Variants in RHD observed in about 807,000 individuals in gnomAD.
The protein encoded by RHD is Rh blood group D antigen.
Under a neutral mutation model 45.5 loss-of-function variants are expected in RHD, and 16 were observed. The observed-to-expected ratio is 0.35, with a 90% CI of 0.24 to 0.53. The LOEUF (loss-of-function observed/expected upper bound fraction) is 0.53. RHD is among the 20% of genes least tolerant of loss of function. The pLI is 0.92. For missense variants in RHD, 306 were observed against 532.0 expected, an observed-to-expected ratio of 0.58 and a Z score of 4.18; for synonymous variants, 131 against 217.5, an observed-to-expected ratio of 0.60 and a Z score of 3.50.
intron 9 of RHD, among the ~76,000 whole-genome samples, chr1:25,323,713 G>C (rs202154122): frequency 0.18 from 20,879 of 114,742 alleles, 4,686 homozygotes; most frequent in Admixed American, 0.24. Context: ...CTCCTGCCTT[G>C]GCCTCTCAAA....
rs192742588 is a variant in RHD, at chr1:25,277,054, G to A, written c.148+4359G>A. ...TGCACTCCAGCCTGGGCAACAGAGCGAGACTCCGTCTAAAAAAAAATGAAA... is the reference window on the plus strand; with the variant it reads ...TGCACTCCAGCCTGGGCAACAGAGCAAGACTCCGTCTAAAAAAAAATGAAA... On this transcript the variant is annotated intron_variant, in intron 1 of 9. Coordinates refer to ENST00000328664, the MANE Select transcript of RHD (RefSeq NM_016124.6). Among the ~76,000 whole-genome samples the A allele has an allele frequency of 4.5e-5, 6 of 132,010 alleles. 2 individuals are homozygous for A. The highest frequency in any genetic ancestry group is 4.6e-4 in the South Asian group (2 of 4,326). 86.6% of individuals were successfully genotyped at this position (132,010 alleles called of 152,430 possible). A position where few individuals can be genotyped will look rare whatever the true frequency, so the allele number is the denominator to read the frequency against.
At chr1:25,299,985 G>C (rs1271722886) in intron 3 of RHD, among the ~76,000 whole-genome samples, 1 of 130,812 alleles carries the variant, frequency 7.6e-6, no homozygotes, top group African/African-American at 2.6e-5. Context: ...CCTGACCTCA[G>C]GTGATCCACC....
At chr1:25,312,955 A>AAAAAAAAAAAAAAAAAAAAAAAAATT (rs1644244261) in intron 7 of RHD, among the ~76,000 whole-genome samples, 1 of 109,882 alleles carries the variant, frequency 9.1e-6, no homozygotes, top group East Asian at 2.1e-4. Flanking sequence ...AAAAAAAAAA[A>AAAAAAAAAAAAAAAAAAAAAAAAATT]CTTTAGTGCT....
chr1:25,299,512 T>C (rs149193309), intron 3 of RHD, among the ~76,000 whole-genome samples: 1,503 of 131,890 alleles, frequency 0.011, 137 homozygotes, highest in African/African-American at 0.037. Context: ...CCCTCCACCC[T>C]GCCCTTGTTA....
At chr1:25,277,378 G>A (rs1641102323) in intron 1 of RHD, among the ~76,000 whole-genome samples, 1 of 132,410 alleles carries the variant, frequency 7.6e-6, no homozygotes, top group Non-Finnish European at 1.8e-5. Flanking sequence ...TGGAAATTTA[G>A]TAGAAATGCA....
Position 25,305,245 on chromosome 1 carries a change from A to ATT in RHD, c.940-1351_940-1350insTT, listed in dbSNP as rs1443206054. Among the ~76,000 whole-genome samples, 4 of 131,690 alleles carry ATT rather than the reference A, an allele frequency of 3.0e-5. 2 individuals carry two copies. Among genetic ancestry groups the ATT allele is most frequent in the Non-Finnish European group, 7.2e-5 (4 of 55,814 alleles). 86.4% of individuals were successfully genotyped at this position (131,690 alleles called of 152,430 possible). A position where few individuals can be genotyped will look rare whatever the true frequency, so the allele number is the denominator to read the frequency against. ...TGTGTATGAAAGCTTATTGTTAAGA[A>ATT]GAGTGTGTGGCCCAACCAGGAAACA... On this transcript the variant is annotated intron_variant, in intron 6 of 9. Coordinates refer to ENST00000328664, the MANE Select transcript of RHD (RefSeq NM_016124.6).
chr1:25,289,268 C>G (rs1454771020), intron 2 of RHD, among the ~76,000 whole-genome samples: 20 of 132,218 alleles, frequency 1.5e-4, no homozygotes, highest in African/African-American at 4.4e-4. Context: ...AGTCTCGGCC[C>G]ACTGAAACCT....
chr1:25,279,644 G>A lies in RHD; in HGVS notation c.149-4929G>A, dbSNP rs545658727. Among the ~76,000 whole-genome samples the A allele has an allele frequency of 6.3e-3, 784 of 124,082 alleles. 138 individuals carry two copies. The highest frequency in any genetic ancestry group is 0.019 in the African/African-American group (659 of 35,308). 81.4% of individuals were successfully genotyped at this position (124,082 alleles called of 152,430 possible). ...GTTGTGGGCTAAGTCTGTAAGGCAC[G>A]TAGAACAGTGCCTGGAACGTGGGGT... On this transcript the variant is annotated intron_variant, in intron 1 of 9. Transcript: ENST00000328664.
Position 25,304,485 on chromosome 1 carries a change from C to G in RHD, c.939+1026C>G, listed in dbSNP as rs1045242235. The G allele has an allele frequency of 6.9e-5, 9 of 129,576 alleles. 1 individual carries two copies. Among genetic ancestry groups the G allele is most frequent in the African/African-American group, 2.4e-4 (9 of 37,502 alleles). 8.0% of individuals were successfully genotyped at this position (129,576 alleles called of 1,614,324 possible). A position where few individuals can be genotyped will look rare whatever the true frequency, so the allele number is the denominator to read the frequency against. ...TGGTGGCGGGCACCTGTCATCTTAG[C>G]GACTCAGGAGGCTGAGACACGAGAA... On this transcript the variant is annotated intron_variant, in intron 6 of 9. Transcript: ENST00000328664.
chr1:25,306,883 G>A (rs1280938860), intron 7 of RHD, 154 bp downstream of exon 7: 2 of 823,064 alleles, frequency 2.4e-6, no homozygotes, highest in Non-Finnish European at 4.0e-6. Flanking sequence ...CAGAAATTCT[G>A]TCCAGCCCCT....
At chr1:25,302,624 A>T (rs1643477254) in intron 5 of RHD, among the ~76,000 whole-genome samples, 1 of 129,948 alleles carries the variant, frequency 7.7e-6, no homozygotes, top group South Asian at 2.4e-4. Context: ...TGAAGGACAT[A>T]GCAGAGCTAT....
In RHD at chr1:25,329,237, G is replaced by GT. The variant is rs71014352; in HGVS notation, c.*338dup. 0.29 allele frequency: 65,485 copies of GT among 227,230 alleles called. 9,127 individuals carry two copies. The highest frequency in any genetic ancestry group is 0.32 in the Non-Finnish European group (38,651 of 122,438). The allele number at this position is 227,230 out of a possible 1,614,324, so 14.1% of individuals were successfully genotyped here. A position where few individuals can be genotyped will look rare whatever the true frequency, so the allele number is the denominator to read the frequency against. On this transcript the variant is annotated 3_prime_UTR_variant, in exon 10 of 10. Coordinates refer to ENST00000328664, the MANE Select transcript of RHD (RefSeq NM_016124.6). ...TAAGGTTAATTTATTATTATTCCTT[G>GT]TTTTTTTTTTTTTTTTTTTTTTTTT...
In RHD at chr1:25,280,328, T is replaced by C. The variant is rs781638579; in HGVS notation, c.149-4245T>C. ...CATCTCTTTTTTTTTTTTTTTGAGC[T>C]GCAGTCTCACTCTGTCATCCAGGCT... is the stretch of plus-strand genomic sequence containing the variant. On this transcript the variant is annotated intron_variant, in intron 1 of 9. Transcript: ENST00000328664. 4.3e-4 allele frequency among the ~76,000 whole-genome samples: 52 copies of C among 119,840 alleles called. 15 individuals are homozygous for C. The highest frequency in any genetic ancestry group is 2.3e-3 in the South Asian group (9 of 3,946). The allele number at this position is 119,840 out of a possible 152,430, so 78.6% of individuals were successfully genotyped here.
At chr1:25,288,342 T>TG (rs1266172219) in intron 2 of RHD, among the ~76,000 whole-genome samples, 1 of 121,744 alleles carries the variant, frequency 8.2e-6, no homozygotes, top group African/African-American at 2.8e-5. Flanking sequence ...ACACCTAGCT[T>TG]TTTTTTTTTT....
chr1:25,310,377 T>C (rs147325051), intron 7 of RHD, among the ~76,000 whole-genome samples: 5,846 of 124,770 alleles, frequency 0.047, 143 homozygotes, highest in African/African-American at 0.17. Flanking sequence ...GCCCTCTCAC[T>C]GTGTGATGAC....
At chr1:25,294,589 G>C in intron 3 of RHD, 1 of 895,620 alleles carries the variant, frequency 1.1e-6, no homozygotes, top group Non-Finnish European at 1.8e-6. Flanking sequence ...CGCAGCAACA[G>C]AGCTCGGCCT....
Position 25,310,005 on chromosome 1 carries a change from T to C in RHD, c.1073+3276T>C, listed in dbSNP as rs1302858701. 1.6e-4 allele frequency among the ~76,000 whole-genome samples: 21 copies of C among 132,946 alleles called. 6 individuals are homozygous for C. The highest frequency in any genetic ancestry group is 4.4e-4 in the Admixed American group (6 of 13,626). The allele number at this position is 132,946 out of a possible 152,430, so 87.2% of individuals were successfully genotyped here. A position where few individuals can be genotyped will look rare whatever the true frequency, so the allele number is the denominator to read the frequency against. ...AAAAAACCCCAAAAAACCCAACTTA[T>C]ATAGTATAAGCTATATCCAGAAAAG... On this transcript the variant is annotated intron_variant, in intron 7 of 9. Coordinates refer to ENST00000328664, the MANE Select transcript of RHD (RefSeq NM_016124.6).
rs1392575572 is a variant in RHD at position 25,310,778 on chromosome 1, C to G, written c.1073+4049C>G. Among the ~76,000 whole-genome samples, 4 of 131,970 alleles carry G rather than the reference C, an allele frequency of 3.0e-5. 1 individual carries two copies. The highest frequency in any genetic ancestry group is 7.2e-5 in the Non-Finnish European group (4 of 55,602). The allele number at this position is 131,970 out of a possible 152,430, so 86.6% of individuals were successfully genotyped here. A position where few individuals can be genotyped will look rare whatever the true frequency, so the allele number is the denominator to read the frequency against. ...CCTGAGGTCAGGAGTTCGAGACCAG[C>G]CTAGCTAACATGGTGAAACGCTGTT... On this transcript the variant is annotated intron_variant, in intron 7 of 9. Coordinates refer to ENST00000328664, the MANE Select transcript of RHD (RefSeq NM_016124.6).
At chr1:25,314,659 A>G (rs1644342943) in intron 7 of RHD, among the ~76,000 whole-genome samples, 1 of 130,782 alleles carries the variant, frequency 7.6e-6, no homozygotes, top group African/African-American at 2.6e-5. Context: ...ATGCCCAGCT[A>G]ACTTCTGTAT....
Sources: allele counts gnomAD v4.1 joint callset (sites outside exome capture counted in the v4.1 genomes callset), GRCh38; gene constraint gnomAD v4.1.1; transcripts MANE v1.5; gene names NCBI Gene and HGNC (gene_info 2026-07-23, HGNC 2026-07-21).